CNNM2: variants seen among roughly 807,000 people sequenced by gnomAD.
CNNM2 encodes the protein cyclin and CBS domain divalent metal cation transport mediator 2.
A neutral mutation model predicts 66.9 loss-of-function variants in CNNM2; 12 were observed. The observed-to-expected ratio is 0.18, with a 90% CI of 0.11 to 0.29. CNNM2 has a LOEUF of 0.29. Ranked by LOEUF, CNNM2 falls within the 10% of genes least tolerant of loss-of-function variation. The pLI is 1.00. For missense variants in CNNM2, 705 were observed against 1,167.7 expected (o/e 0.60, Z 5.77); for synonymous variants, 557 against 501.8 (o/e 1.11, Z -1.47).
chr10:102,975,485 A>AAC (rs1297208533), intron 1 of CNNM2, among the ~76,000 whole-genome samples: 1 of 151,486 alleles, frequency 6.6e-6, no homozygotes, highest in East Asian at 1.9e-4. Context: ...AAAAAAAAAA[A>AAC]AAACAAACCT....
intron 1 of CNNM2, among the ~76,000 whole-genome samples, chr10:103,022,234 G>A (rs1300996572): frequency 1.3e-5 from 2 of 152,208 alleles, no homozygotes; most frequent in Non-Finnish European, 2.9e-5. Flanking sequence ...GGAAATGATA[G>A]TAATAGAAGG....
intron 1 of CNNM2, among the ~76,000 whole-genome samples, chr10:103,047,692 C>T (rs1299805348): frequency 6.6e-6 from 1 of 152,174 alleles, no homozygotes; most frequent in Non-Finnish European, 1.5e-5. Context: ...CTGTCTTATA[C>T]TCCAAATGGA....
intron 1 of CNNM2, among the ~76,000 whole-genome samples, chr10:102,934,108 C>T (rs1159660477): frequency 2.0e-5 from 3 of 149,642 alleles, no homozygotes; most frequent in Non-Finnish European, 4.4e-5. Flanking sequence ...CCTCCCAAAA[C>T]ACTGGGATTA....
At chr10:102,948,473 T>C (rs552941449) in intron 1 of CNNM2, among the ~76,000 whole-genome samples, 74 of 152,194 alleles carry the variant, frequency 4.9e-4, no homozygotes, top group East Asian at 1.9e-3. Flanking sequence ...AGATGATTAG[T>C]GTGGCTGGAA....
intron 1 of CNNM2, among the ~76,000 whole-genome samples, chr10:103,037,940 A>G (rs1344525240): frequency 6.6e-6 from 1 of 152,014 alleles, no homozygotes; most frequent in Non-Finnish European, 1.5e-5. Flanking sequence ...CTTGGGTTCA[A>G]GCGATTCTCC....
intron 1 of CNNM2, among the ~76,000 whole-genome samples, chr10:102,969,843 A>G (rs1047669476): frequency 6.6e-6 from 1 of 151,704 alleles, no homozygotes; most frequent in African/African-American, 2.4e-5. Flanking sequence ...GGGTTTCTCC[A>G]TGTTGGTCAG....
rs935528581 is a variant in CNNM2 at position 103,056,126 on chromosome 10, A to G, written c.1904-669A>G. Among the ~76,000 whole-genome samples the G allele has an allele frequency of 2.0e-5, 3 of 152,010 alleles. 1 individual carries two copies. Among genetic ancestry groups the G allele is most frequent in the African/African-American group, 7.2e-5 (3 of 41,398 alleles). Reference sequence around the variant, plus strand: ...ATTTAAATTAAAAAAAAAGAAAACTAAAACTAAATCTCCTACTCTGCTTCT... The same window carrying G: ...ATTTAAATTAAAAAAAAAGAAAACTGAAACTAAATCTCCTACTCTGCTTCT... On this transcript the variant is annotated intron_variant, in intron 3 of 7. Coordinates refer to ENST00000369878, the MANE Select transcript of CNNM2 (RefSeq NM_017649.5).
chr10:102,939,787 A>G (rs760106732), intron 1 of CNNM2, among the ~76,000 whole-genome samples: 1 of 152,160 alleles, frequency 6.6e-6, no homozygotes, highest in South Asian at 2.1e-4. Flanking sequence ...CATGACCAAC[A>G]TGGTGAAACA....
chr10:103,031,508 A>C (rs1240003131), intron 1 of CNNM2, among the ~76,000 whole-genome samples: 4 of 152,154 alleles, frequency 2.6e-5, no homozygotes, highest in Admixed American at 2.6e-4. Flanking sequence ...TTGAGACAGG[A>C]GTGTGTTCTA....
chr10:103,073,855 C>G (rs1312069366), intron 6 of CNNM2, among the ~76,000 whole-genome samples: 41 of 108,414 alleles, frequency 3.8e-4, no homozygotes, highest in Admixed American at 1.5e-4. Context: ...GGCGACAGAG[C>G]GAGACTCCGT....
intron 1 of CNNM2, among the ~76,000 whole-genome samples, chr10:103,006,324 A>G (rs1327304492): frequency 6.6e-6 from 1 of 151,318 alleles, no homozygotes; most frequent in Non-Finnish European, 1.5e-5. Flanking sequence ...CTCCTGCTTC[A>G]GCCTCCCAAG....
intron 1 of CNNM2, among the ~76,000 whole-genome samples, chr10:102,973,984 CAG>C (rs879475680): frequency 2.0e-5 from 3 of 152,194 alleles, no homozygotes; most frequent in Non-Finnish European, 2.9e-5. Context: ...GCTGGTATAA[CAG>C]GGGTGAAAGA....
Position 103,084,439 on chromosome 10 carries a change from C to T in CNNM2, c.*7259C>T, listed in dbSNP as rs1325782595. The T allele has an allele frequency of 2.0e-5, 3 of 152,170 alleles. No individual in the cohort carries two copies. Among genetic ancestry groups the T allele is most frequent in the African/African-American group, 4.8e-5 (2 of 41,424 alleles). 9.4% of individuals were successfully genotyped at this position (152,170 alleles called of 1,614,324 possible). ...TCTTAGCCCAGTGAAATGCTGTCTT[C>T]GAACCCTGCTTGCTTTCATTAGAAG... On this transcript the variant is annotated 3_prime_UTR_variant, in exon 8 of 8. Coordinates refer to ENST00000369878, the MANE Select transcript of CNNM2 (RefSeq NM_017649.5).
Position 102,918,350 on chromosome 10 carries a change from C to A in CNNM2, c.-131C>A. 2.1e-6 allele frequency: 3 copies of A among 1,429,000 alleles called. No individual in the cohort carries two copies. The highest frequency in any genetic ancestry group is 1.3e-5 in the South Asian group (1 of 75,142). 88.5% of individuals were successfully genotyped at this position (1,429,000 alleles called of 1,614,324 possible). ...GTTCCTCAGCTGGCTGAGGTGGAGT[C>A]AGTGTCAGTCAGGGAGGCGAACTGC... is the stretch of plus-strand genomic sequence containing the variant. On this transcript the variant is annotated 5_prime_UTR_variant, in exon 1 of 8. Transcript: ENST00000369878. This position sits in a 1 kb window ranked among gnomAD's most constrained non-coding sequence, Gnocchi z 4.1.
intron 4 of CNNM2, among the ~76,000 whole-genome samples, chr10:103,066,252 C>T (rs1335445598): frequency 6.6e-6 from 1 of 152,140 alleles, no homozygotes; most frequent in Non-Finnish European, 1.5e-5. Context: ...GGCTGAGCTT[C>T]GGTCCTTTTC....
chr10:102,938,200 C>T (rs1846308538), intron 1 of CNNM2, among the ~76,000 whole-genome samples: 1 of 151,464 alleles, frequency 6.6e-6, no homozygotes, highest in Non-Finnish European at 1.5e-5. Flanking sequence ...CTCTGGGAGG[C>T]CGAGGCAGGT....
intron 1 of CNNM2, among the ~76,000 whole-genome samples, chr10:102,985,910 G>A (rs1438775719): frequency 6.6e-6 from 1 of 152,110 alleles, no homozygotes; most frequent in Non-Finnish European, 1.5e-5. Context: ...CCATCAGCTT[G>A]GAGACCCACA....
chr10:102,918,912 C>T lies in CNNM2; in HGVS notation c.432C>T (p.Asp144=), dbSNP rs1845526739. 2 of 1,611,722 alleles carry T rather than the reference C, an allele frequency of 1.2e-6. No individual in the cohort carries two copies. Among genetic ancestry groups the T allele is most frequent in the Non-Finnish European group, 8.5e-7 (1 of 1,179,174 alleles). Residue 144 remains aspartate, a synonymous_variant, in exon 1 of 8, where the codon GAC becomes GAT. Transcript: ENST00000369878. The surrounding 1 kb of genome is among the most constrained non-coding windows in gnomAD (Gnocchi z 4.1). ...GLGGPAPPEP[D]SGPQRCGIRT... ...GGGGCCCCGCGCCGCCAGAGCCGGA[C>T]AGCGGCCCCCAGCGATGCGGCATCC...
intron 1 of CNNM2, among the ~76,000 whole-genome samples, chr10:103,003,558 T>C (rs752787029): frequency 1.3e-5 from 2 of 152,150 alleles, no homozygotes; most frequent in Non-Finnish European, 2.9e-5. Context: ...GTGCGTTGGC[T>C]CATGCCTGTA....
Sources: gnomAD v4.1 joint callset for allele counts (sites outside exome capture counted in the v4.1 genomes callset) on GRCh38, gnomAD v4.1.1 for gene constraint, Gnocchi (gnomAD v3.1) non-coding constraint, MANE v1.5 for transcripts, NCBI Gene and HGNC (gene_info 2026-07-23, HGNC 2026-07-21) for gene names.